The following ZMAT4 variants were observed in gnomAD, a reference collection of about 807,000 sequenced individuals.
The protein encoded by ZMAT4 is zinc finger matrin-type protein 4.
A neutral mutation model predicts 28.7 loss-of-function variants in ZMAT4; 17 were observed. The observed-to-expected ratio is 0.59, with a 90% CI of 0.41 to 0.89. The LOEUF is 0.89. ZMAT4 is among the 40% of genes least tolerant of loss of function. ZMAT4 has a pLI of 0.00. For missense variants in ZMAT4, 240 were observed against 283.8 expected, an observed-to-expected ratio of 0.85 and a Z score of 1.11; for synonymous variants, 117 against 109.2, an observed-to-expected ratio of 1.07 and a Z score of -0.44.
At chr8:40,774,257 T>C (rs757010555) in intron 2 of ZMAT4, among the ~76,000 whole-genome samples, 5 of 152,164 alleles carry the variant, frequency 3.3e-5, no homozygotes, top group Non-Finnish European at 7.4e-5. Flanking sequence ...TACTAATAGT[T>C]AAAAGACTTA....
intron 2 of ZMAT4, among the ~76,000 whole-genome samples, chr8:40,821,286 C>G (rs944003865): frequency 6.6e-6 from 1 of 152,054 alleles, no homozygotes; most frequent in African/African-American, 2.4e-5. Context: ...TGTTTTTTTA[C>G]CCCCGTAACG....
intron 6 of ZMAT4, among the ~76,000 whole-genome samples, chr8:40,533,011 T>C (rs1191486978): frequency 2.6e-5 from 4 of 152,094 alleles, no homozygotes; most frequent in African/African-American, 9.7e-5. Flanking sequence ...TTTCTGGCCT[T>C]ACTTGCAAAA....
intron 3 of ZMAT4, among the ~76,000 whole-genome samples, chr8:40,701,049 G>A (rs896422387): frequency 3.9e-5 from 6 of 152,034 alleles, no homozygotes; most frequent in African/African-American, 1.4e-4. Context: ...AACACAGGGA[G>A]GTCTATGGCA....
At chr8:40,802,047 T>C (rs1586076391) in intron 2 of ZMAT4, among the ~76,000 whole-genome samples, 1 of 152,306 alleles carries the variant, frequency 6.6e-6, no homozygotes, top group Non-Finnish European at 1.5e-5. Context: ...TTATGAACTT[T>C]CAGTAAAATA....
rs1203644702 is a variant in ZMAT4 at position 40,601,634 on chromosome 8, GAGAAAGAA to G, written c.578-20381_578-20374del. ...AGAAAGAAAGAAAGAAAGAAAGAAA[GAGAAAGAA>G]AGAAAGAAAGAAAGAAAGAAAGAAA... On this transcript the variant is annotated intron_variant, in intron 5 of 6. Transcript: ENST00000297737. Among the ~76,000 whole-genome samples the G allele has an allele frequency of 3.2e-3, 85 of 26,854 alleles. 2 individuals carry two copies. Among genetic ancestry groups the G allele is most frequent in the African/African-American group, 7.2e-3 (74 of 10,320 alleles). 17.6% of individuals were successfully genotyped at this position (26,854 alleles called of 152,430 possible). A position where few individuals can be genotyped will look rare whatever the true frequency, so the allele number is the denominator to read the frequency against.
intron 3 of ZMAT4, among the ~76,000 whole-genome samples, chr8:40,700,048 T>C (rs1810064795): frequency 3.9e-5 from 6 of 152,186 alleles, no homozygotes; most frequent in South Asian, 2.1e-4. Context: ...AATGGACTTA[T>C]GGTATGTATT....
chr8:40,686,723 C>T (rs545794922), intron 4 of ZMAT4, among the ~76,000 whole-genome samples: 1 of 151,800 alleles, frequency 6.6e-6, no homozygotes, highest in East Asian at 1.9e-4. Context: ...GAAATAAAAC[C>T]AAAACCAGTT....
chr8:40,655,407 C>T (rs1807871229), intron 5 of ZMAT4, among the ~76,000 whole-genome samples: 1 of 150,924 alleles, frequency 6.6e-6, no homozygotes, highest in Non-Finnish European at 1.5e-5. Flanking sequence ...CAACACAATC[C>T]CTACCAAAAT....
chr8:40,598,270 A>C (rs1805170787), intron 5 of ZMAT4, among the ~76,000 whole-genome samples: 1 of 152,212 alleles, frequency 6.6e-6, no homozygotes, highest in African/African-American at 2.4e-5. Flanking sequence ...ATAGGTATGC[A>C]TATGCCATGG....
chr8:40,630,807 G>C (rs1381293162), intron 5 of ZMAT4, among the ~76,000 whole-genome samples: 1 of 152,064 alleles, frequency 6.6e-6, no homozygotes, highest in Non-Finnish European at 1.5e-5. Flanking sequence ...GGTGGTACTG[G>C]ACAACAGAAA....
intron 1 of ZMAT4, among the ~76,000 whole-genome samples, chr8:40,836,343 G>C (rs1396670333): frequency 2.0e-5 from 3 of 152,090 alleles, no homozygotes; most frequent in Admixed American, 2.0e-4. Context: ...TTTCACAGGA[G>C]GATAAGCTGA....
At chr8:40,729,630 C>G (rs1468247630) in intron 3 of ZMAT4, among the ~76,000 whole-genome samples, 1 of 147,956 alleles carries the variant, frequency 6.8e-6, no homozygotes, top group Non-Finnish European at 1.5e-5. Context: ...GAGTCTCGCT[C>G]TGTCACCAGG....
intron 1 of ZMAT4, among the ~76,000 whole-genome samples, chr8:40,881,599 A>AAAGAG (rs750851490): frequency 1.3e-5 from 1 of 78,204 alleles, no homozygotes; most frequent in Non-Finnish European, 2.7e-5. Context: ...AGAAAGAAAG[A>AAAGAG]AAAGAAAAGA....
At chr8:40,808,411 T>C (rs1490454672) in intron 2 of ZMAT4, 9 of 335,986 alleles carry the variant, frequency 2.7e-5, no homozygotes, top group Non-Finnish European at 5.3e-5. Context: ...CAGCATATTT[T>C]GGCTTTTTAT....
At chr8:40,534,591 CAGAT>C (rs1802788632) in intron 6 of ZMAT4, among the ~76,000 whole-genome samples, 1 of 151,356 alleles carries the variant, frequency 6.6e-6, no homozygotes, top group Non-Finnish European at 1.5e-5. Context: ...CAGTCATAGT[CAGAT>C]AGCTCATCTT....
chr8:40,665,991 T>C (rs1343761864), intron 5 of ZMAT4, among the ~76,000 whole-genome samples: 1 of 152,218 alleles, frequency 6.6e-6, no homozygotes, highest in Non-Finnish European at 1.5e-5. Flanking sequence ...AATAGAATAG[T>C]CTCGTTTCCT....
intron 5 of ZMAT4, among the ~76,000 whole-genome samples, chr8:40,633,695 G>A (rs1806683616): frequency 6.6e-6 from 1 of 152,132 alleles, no homozygotes; most frequent in Non-Finnish European, 1.5e-5. Context: ...AAGCATGTTT[G>A]AGTCTGACTG....
At chr8:40,730,197 T>C (rs1009790263) in intron 3 of ZMAT4, among the ~76,000 whole-genome samples, 12 of 152,252 alleles carry the variant, frequency 7.9e-5, no homozygotes, top group Middle Eastern at 3.4e-3. Flanking sequence ...TTTTTCCCAG[T>C]CCCTTTAAAT....
intron 1 of ZMAT4, among the ~76,000 whole-genome samples, chr8:40,866,800 T>C (rs1276423434): frequency 6.6e-6 from 1 of 152,204 alleles, no homozygotes; most frequent in Non-Finnish European, 1.5e-5. Context: ...GATACACATA[T>C]AAACATGCAT....
Sources: allele counts gnomAD v4.1 joint callset (sites outside exome capture counted in the v4.1 genomes callset), GRCh38; gene constraint gnomAD v4.1.1; transcripts MANE v1.5; gene names NCBI Gene and HGNC (gene_info 2026-07-23, HGNC 2026-07-21).